Variants in SORCS1 observed in about 807,000 individuals in gnomAD.
SORCS1 encodes the protein sortilin related VPS10 domain containing receptor 1.
SORCS1 carries 60 observed loss-of-function variants against 146.1 expected under a neutral mutation model. The ratio of observed to expected loss-of-function variants is 0.41; its 90% CI spans 0.33 to 0.51. The LOEUF is 0.51. Ranked by LOEUF, SORCS1 falls within the 20% of genes least tolerant of loss-of-function variation. SORCS1 has a pLI of 0.21. For missense variants in SORCS1, 1,352 were observed against 1,487.6 expected (o/e 0.91, Z 1.50); for synonymous variants, 637 against 584.0 (o/e 1.09, Z -1.31).
chr10:106,658,668 T>A (rs1422667381), intron 17 of SORCS1, among the ~76,000 whole-genome samples: 1 of 152,142 alleles, frequency 6.6e-6, no homozygotes, highest in Non-Finnish European at 1.5e-5. Context: ...ATCTTCCAAA[T>A]CCACCACCTT....
chr10:106,627,222 A>C (rs1028088476), intron 19 of SORCS1, among the ~76,000 whole-genome samples: 3 of 152,186 alleles, frequency 2.0e-5, no homozygotes, highest in African/African-American at 7.2e-5. Context: ...CAGAGTGACA[A>C]GGAGGTGAAG....
At chr10:106,987,306 A>G (rs1258584708) in intron 1 of SORCS1, among the ~76,000 whole-genome samples, 1 of 152,210 alleles carries the variant, frequency 6.6e-6, no homozygotes, top group Non-Finnish European at 1.5e-5. Flanking sequence ...GCAGAATTCA[A>G]ACTCCAAAGT....
intron 1 of SORCS1, among the ~76,000 whole-genome samples, chr10:106,992,817 TCTTTC>T (rs1956819533): frequency 5.6e-5 from 7 of 125,364 alleles, no homozygotes; most frequent in African/African-American, 2.5e-4. Flanking sequence ...TTTCTTCCTT[TCTTTC>T]TTTCTTTTTT....
At chr10:106,862,045 T>TA (rs916578497) in intron 2 of SORCS1, among the ~76,000 whole-genome samples, 7 of 152,216 alleles carry the variant, frequency 4.6e-5, no homozygotes, top group South Asian at 2.1e-4. Context: ...TTGAATGAGG[T>TA]AAAAAAATGA....
chr10:106,685,182 G>A (rs976960467), intron 10 of SORCS1, among the ~76,000 whole-genome samples: 1 of 152,126 alleles, frequency 6.6e-6, no homozygotes, highest in African/African-American at 2.4e-5. Context: ...ACTCTCAGAG[G>A]GAATGAACAG....
intron 1 of SORCS1, among the ~76,000 whole-genome samples, chr10:107,105,255 A>C (rs1965228020): frequency 6.6e-6 from 1 of 152,188 alleles, no homozygotes; most frequent in South Asian, 2.1e-4. Context: ...ATGGTGTCTC[A>C]GTTAAGATAT....
At chr10:107,164,978 C>T (rs1235828534), upstream of SORCS1, among the ~76,000 whole-genome samples, 1 of 150,994 alleles carries the variant, frequency 6.6e-6, no homozygotes, top group Non-Finnish European at 1.5e-5. The surrounding 1 kb of genome is among the most constrained non-coding windows in gnomAD (Gnocchi z 6.8). Flanking sequence ...CCGCGGGTCC[C>T]GGCGCTGAGT....
At chr10:106,802,057 G>A (rs1946930667) in intron 3 of SORCS1, among the ~76,000 whole-genome samples, 1 of 152,134 alleles carries the variant, frequency 6.6e-6, no homozygotes, top group Non-Finnish European at 1.5e-5. Context: ...GCACAGGAGG[G>A]ATATACATGT....
intron 6 of SORCS1, among the ~76,000 whole-genome samples, chr10:106,720,103 C>A (rs971624003): frequency 2.0e-5 from 3 of 152,188 alleles, no homozygotes; most frequent in Non-Finnish European, 4.4e-5. Context: ...TTTTCTCACA[C>A]ATTTGTAGCT....
intron 5 of SORCS1, among the ~76,000 whole-genome samples, chr10:106,750,502 G>A (rs1410654109): frequency 6.6e-6 from 1 of 151,612 alleles, no homozygotes; most frequent in African/African-American, 2.4e-5. Flanking sequence ...AGGCCGAGGC[G>A]GGCGGATTAC....
intron 24 of SORCS1, among the ~76,000 whole-genome samples, chr10:106,587,983 G>A (rs1211619714): frequency 1.3e-5 from 2 of 152,164 alleles, no homozygotes; most frequent in African/African-American, 2.4e-5. Flanking sequence ...GCCCAGCGTA[G>A]GGCAACCTCT....
rs149744432 is a variant in SORCS1 at position 107,079,277 on chromosome 10, A to G, written c.558+84692T>C. Among the ~76,000 whole-genome samples the G allele has an allele frequency of 8.3e-3, 1,265 of 152,256 alleles. 7 individuals are homozygous for G. The highest frequency in any genetic ancestry group is 0.061 in the Middle Eastern group (18 of 294). On this transcript the variant is annotated intron_variant, in intron 1 of 25. Transcript: ENST00000263054. The stretch of plus-strand genomic sequence containing the variant: ...ATCATAAAGAAAGACTCTGAAAGAC[A>G]TGGTACCTTTCACTAAATATAGGAT...
At position 106,651,830 on chromosome 10, in the gene SORCS1, C is replaced by T. The variant is rs543749265; in HGVS notation, c.2475+552G>A. ...TATAAATTTCAGACATTTCAGACAA[C>T]CATAATCTGGCAAATAATAATGTAT... On this transcript the variant is annotated intron_variant, in intron 18 of 25. Transcript: ENST00000263054. Among the ~76,000 whole-genome samples, 121 of 152,254 alleles carry T rather than the reference C, an allele frequency of 7.9e-4. 3 individuals are homozygous for T. In the South Asian group the frequency reaches 0.025, roughly 31 times the overall value.
intron 18 of SORCS1, among the ~76,000 whole-genome samples, chr10:106,647,131 TC>T (rs1038113846): frequency 2.6e-5 from 4 of 151,126 alleles, no homozygotes; most frequent in African/African-American, 9.7e-5. Context: ...AATTTTGTGA[TC>T]TTGTCAATTT....
At chr10:107,159,441 A>G (rs1969540393) in intron 1 of SORCS1, among the ~76,000 whole-genome samples, 1 of 152,240 alleles carries the variant, frequency 6.6e-6, no homozygotes, top group Non-Finnish European at 1.5e-5. Flanking sequence ...ATTTTTGTAT[A>G]CAGCCAGTAT....
At chr10:106,731,287 C>T (rs60079615) in intron 5 of SORCS1, among the ~76,000 whole-genome samples, 1,740 of 129,192 alleles carry the variant, frequency 0.013, 46 homozygotes, top group African/African-American at 0.051. Flanking sequence ...AGTGAGACTC[C>T]GTCTCAAAAA....
At chr10:106,993,261 C>A (rs1956849674) in intron 1 of SORCS1, among the ~76,000 whole-genome samples, 1 of 152,196 alleles carries the variant, frequency 6.6e-6, no homozygotes, top group African/African-American at 2.4e-5. Context: ...TTCAGGAAAT[C>A]TTTGTGCATG....
At chr10:107,032,404 C>T (rs1354993145) in intron 1 of SORCS1, among the ~76,000 whole-genome samples, 2 of 152,172 alleles carry the variant, frequency 1.3e-5, no homozygotes, top group East Asian at 1.9e-4. Flanking sequence ...TTTCTCTTTG[C>T]TTACCTGCAT....
At chr10:106,849,173 C>G (rs549509371) in intron 2 of SORCS1, among the ~76,000 whole-genome samples, 174 of 149,102 alleles carry the variant, frequency 1.2e-3, no homozygotes, top group African/African-American at 3.9e-3. Flanking sequence ...TAATATCCTG[C>G]AGAGTGTTTT....
Sources: allele counts gnomAD v4.1 joint callset (sites outside exome capture counted in the v4.1 genomes callset), GRCh38; gene constraint gnomAD v4.1.1; non-coding constraint Gnocchi (gnomAD v3.1); transcripts MANE v1.5; gene names NCBI Gene and HGNC (gene_info 2026-07-23, HGNC 2026-07-21).